PTPRD: variants seen among roughly 807,000 people sequenced by gnomAD.
The protein encoded by PTPRD is protein tyrosine phosphatase receptor type D, also known as receptor-type tyrosine-protein phosphatase delta.
Under a neutral mutation model 214.5 loss-of-function variants are expected in PTPRD, and 34 were observed. The ratio of observed to expected loss-of-function variants is 0.16; its 90% CI spans 0.12 to 0.21. PTPRD has a LOEUF of 0.21. Ranked by LOEUF, PTPRD falls within the 10% of genes least tolerant of loss-of-function variation. The probability of loss-of-function intolerance (pLI) is 1.00; values close to 1 mark genes in which losing one functional copy is unlikely to be tolerated. For synonymous variants in PTPRD, 1,128 were observed against 845.7 expected, an observed-to-expected ratio of 1.33 and a Z score of -5.79; for missense variants, 2,545 against 2,398.7, an observed-to-expected ratio of 1.06 and a Z score of -1.27.
intron 7 of PTPRD, among the ~76,000 whole-genome samples, chr9:9,605,178 TC>T (rs1293076977): frequency 6.6e-6 from 1 of 152,220 alleles, no homozygotes; most frequent in East Asian, 1.9e-4. Context: ...ACATGGCAAT[TC>T]TGCATTAGAC....
chr9:9,416,144 T>C (rs961979176), intron 8 of PTPRD, among the ~76,000 whole-genome samples: 2 of 152,172 alleles, frequency 1.3e-5, no homozygotes, highest in Non-Finnish European at 2.9e-5. Context: ...TACTTCCAGC[T>C]TCCATCCTCT....
chr9:8,471,145 C>T (rs2096645363), intron 30 of PTPRD, 60 bp from the exon 31 acceptor site: 1 of 1,412,422 alleles, frequency 7.1e-7, no homozygotes, highest in Non-Finnish European at 1.0e-6. Flanking sequence ...CGTGGATATA[C>T]CCTTAAACCT....
chr9:8,629,686 A>T (rs914681484), intron 14 of PTPRD, among the ~76,000 whole-genome samples: 7 of 151,778 alleles, frequency 4.6e-5, no homozygotes, highest in Admixed American at 4.6e-4. Flanking sequence ...TCAGCCTCCT[A>T]AAGTGTTGTA....
At chr9:9,171,177 T>C (rs902857452) in intron 10 of PTPRD, among the ~76,000 whole-genome samples, 1 of 152,126 alleles carries the variant, frequency 6.6e-6, no homozygotes, top group Non-Finnish European at 1.5e-5. Context: ...GTGCTTATCA[T>C]TGATTCTTGT....
At chr9:8,327,288 C>A (rs1411608791) in intron 44 of PTPRD, among the ~76,000 whole-genome samples, 11 of 151,626 alleles carry the variant, frequency 7.3e-5, no homozygotes, top group Non-Finnish European at 2.9e-5. Flanking sequence ...TGTTATTTAC[C>A]CAGTAGTCAT....
In PTPRD at chr9:10,410,253, G is replaced by GTATATATATATATATATATA. The variant is rs34284610; in HGVS notation, c.-599-69237_-599-69236insTATATATATATATATATATA. 6.1e-4 allele frequency among the ~76,000 whole-genome samples: 78 copies of GTATATATATATATATATATA among 127,018 alleles called. No homozygotes were observed. In the East Asian group the frequency reaches 9.1e-3, roughly 15 times the overall value. 83.3% of individuals were successfully genotyped at this position (127,018 alleles called of 152,430 possible). A position where few individuals can be genotyped will look rare whatever the true frequency, so the allele number is the denominator to read the frequency against. ...AGGTAATTAACTGGACATATTTTGT[G>GTATATATATATATATATATA]TATATATATATATATATACACACAC... On this transcript the variant is annotated intron_variant, in intron 2 of 45. Transcript: ENST00000381196.
At chr9:8,731,252 G>C (rs938647554) in intron 12 of PTPRD, among the ~76,000 whole-genome samples, 4 of 152,166 alleles carry the variant, frequency 2.6e-5, no homozygotes, top group African/African-American at 9.7e-5. Flanking sequence ...AACTAGAGTG[G>C]TTTCTTTCCA....
chr9:10,255,400 G>A (rs1282239551), intron 3 of PTPRD, among the ~76,000 whole-genome samples: 3 of 152,170 alleles, frequency 2.0e-5, no homozygotes, highest in Non-Finnish European at 2.9e-5. Context: ...AATAGTAAGT[G>A]TTTGTGCATC....
chr9:9,024,585 G>T (rs2099581121), intron 10 of PTPRD, among the ~76,000 whole-genome samples: 1 of 151,502 alleles, frequency 6.6e-6, no homozygotes, highest in African/African-American at 2.4e-5. Context: ...GAAGCTAATA[G>T]TAGATATTAT....
chr9:9,879,609 A>G (rs895121330), intron 5 of PTPRD, among the ~76,000 whole-genome samples: 1 of 152,154 alleles, frequency 6.6e-6, no homozygotes. Context: ...CCAACTCTCC[A>G]CTCACATCTG....
At chr9:8,347,480 A>G (rs762233430) in intron 39 of PTPRD, among the ~76,000 whole-genome samples, 1 of 152,134 alleles carries the variant, frequency 6.6e-6, no homozygotes, top group Non-Finnish European at 1.5e-5. Context: ...ACATTAAATA[A>G]TCACATGAAT....
intron 14 of PTPRD, among the ~76,000 whole-genome samples, chr9:8,573,653 T>G (rs1259406837): frequency 2.6e-5 from 4 of 151,968 alleles, no homozygotes; most frequent in Non-Finnish European, 5.9e-5. Flanking sequence ...TTTGTTTCAT[T>G]TCCTCTCCCT....
chr9:8,441,962 A>G lies in PTPRD; in HGVS notation c.3989-5273T>C, dbSNP rs900653642. 2.0e-5 allele frequency among the ~76,000 whole-genome samples: 3 copies of G among 152,168 alleles called. No homozygotes were observed. In the East Asian group the frequency reaches 5.8e-4, roughly 29 times the overall value. On this transcript the variant is annotated intron_variant, in intron 34 of 45. Transcript: ENST00000381196. ...ACATGTACATAAAGCTGGGTCTTTA[A>G]GACTGTTTGGGCTCTCTATGCAGCA...
chr9:10,587,132 G>A (rs1268547877), intron 2 of PTPRD, among the ~76,000 whole-genome samples: 1 of 152,030 alleles, frequency 6.6e-6, no homozygotes, highest in Non-Finnish European at 1.5e-5. Flanking sequence ...GTGTAATCAT[G>A]AAAAGACCCA....
chr9:8,457,303 T>C (rs569437737), intron 33 of PTPRD, among the ~76,000 whole-genome samples: 2 of 152,120 alleles, frequency 1.3e-5, no homozygotes, highest in African/African-American at 2.4e-5. Flanking sequence ...TACTATCTTA[T>C]CTCTGGAATG....
intron 2 of PTPRD, among the ~76,000 whole-genome samples, chr9:10,486,774 T>G (rs1459302297): frequency 6.6e-6 from 1 of 152,202 alleles, no homozygotes; most frequent in African/African-American, 2.4e-5. Context: ...GAATGTGTAT[T>G]CTGAAGCCAT....
intron 11 of PTPRD, among the ~76,000 whole-genome samples, chr9:8,755,529 C>CATA (rs569268236): frequency 0.016 from 1,418 of 88,520 alleles, 18 homozygotes; most frequent in African/African-American, 0.042. Flanking sequence ...AACTCTGTCT[C>CATA]AAAAAAAAAA....
chr9:8,508,911 G>C (rs9776558), intron 21 of PTPRD, among the ~76,000 whole-genome samples: 14 of 147,530 alleles, frequency 9.5e-5, no homozygotes, highest in South Asian at 2.1e-4. Context: ...GTGTGTGTGT[G>C]TGTGTGTGTG....
chr9:10,217,769 G>A (rs1431581924), intron 3 of PTPRD, among the ~76,000 whole-genome samples: 1 of 151,904 alleles, frequency 6.6e-6, no homozygotes, highest in Admixed American at 6.6e-5. Context: ...GCCATTGGGA[G>A]TTAACCAACA....
Sources: gnomAD v4.1 joint callset for allele counts (sites outside exome capture counted in the v4.1 genomes callset) on GRCh38, gnomAD v4.1.1 for gene constraint, MANE v1.5 for transcripts, NCBI Gene and HGNC (gene_info 2026-07-23, HGNC 2026-07-21) for gene names.